The following KANK1 variants were observed in gnomAD, a reference collection of about 807,000 sequenced individuals.
KANK1 encodes KN motif and ankyrin repeat domains 1, also known as KN motif and ankyrin repeat domain-containing protein 1.
In KANK1, 109 loss-of-function variants were observed where a neutral mutation model predicts 106.2. The observed-to-expected ratio is 1.03, with a 90% confidence interval of 0.88 to 1.20. The LOEUF (loss-of-function observed/expected upper bound fraction) is 1.20. KANK1 is among the 50% of genes most tolerant of loss of function. The pLI, the probability that KANK1 is intolerant of heterozygous loss-of-function variation, is 0.00. For synonymous variants in KANK1, 873 were observed against 652.2 expected (o/e 1.34, Z -5.16); for missense variants, 2,399 against 1,710.7 (o/e 1.40, Z -7.10).
At chr9:504,047 C>A (rs12002676), upstream of KANK1, among the ~76,000 whole-genome samples, 909 of 152,262 alleles carry the variant, frequency 6.0e-3, 10 homozygotes, top group African/African-American at 0.02. Flanking sequence ...GCCGCCGGGG[C>A]GACCGTGCTG....
At chr9:633,030 G>T (rs1836145006) in intron 1 of KANK1, among the ~76,000 whole-genome samples, 1 of 152,076 alleles carries the variant, frequency 6.6e-6, no homozygotes, top group African/African-American at 2.4e-5. Context: ...AACGGCAGAG[G>T]TAACATGGCC....
At chr9:745,044 C>G in intron 11 of KANK1, 129 bp from the exon 12 acceptor site, 1 of 1,519,598 alleles carries the variant, frequency 6.6e-7, no homozygotes, top group Non-Finnish European at 8.8e-7. Context: ...CTGTTCTCAG[C>G]CAGAGCTCTC....
At chr9:688,908 C>A (rs527880806) in intron 2 of KANK1, among the ~76,000 whole-genome samples, 1 of 152,186 alleles carries the variant, frequency 6.6e-6, no homozygotes. Context: ...GGGGGTATGG[C>A]TGGCTGGCCT....
chr9:597,224 TTTAGGTTCATAC>T (rs1249696496), intron 1 of KANK1, among the ~76,000 whole-genome samples: 2 of 151,808 alleles, frequency 1.3e-5, no homozygotes, highest in African/African-American at 4.9e-5. Flanking sequence ...TTTCAGTTCT[TTTAGGTTCATAC>T]TTAGAGGTGT....
chr9:734,721 A>C, intron 6 of KANK1, 27 bp from the exon 7 acceptor site: 12 of 1,493,372 alleles, frequency 8.0e-6, no homozygotes, highest in Non-Finnish European at 1.1e-5. Context: ...CTTGTGACCA[A>C]TCGTAACTTG....
In KANK1 at chr9:610,980, T is replaced by A. The variant is rs141397484; in HGVS notation, c.-83-65910T>A. On this transcript the variant is annotated intron_variant, in intron 1 of 11. Coordinates refer to ENST00000382297, the MANE Select transcript of KANK1 (RefSeq NM_015158.5). ...CTCCTGTTTGGTGGTTTTATTTGAT[T>A]GTTTTTGAATTCTTTGTCTCTGACA... 3.9e-4 allele frequency among the ~76,000 whole-genome samples: 59 copies of A among 152,318 alleles called. No individual in the cohort carries two copies. The East Asian group carries it at 9.8e-3, about 25-fold the overall frequency.
At chr9:512,808 C>G (rs769253510) in intron 1 of KANK1, among the ~76,000 whole-genome samples, 3 of 152,134 alleles carry the variant, frequency 2.0e-5, no homozygotes, top group Non-Finnish European at 4.4e-5. Flanking sequence ...TAACTTCCTG[C>G]TAAGGAAGAA....
intron 1 of KANK1, among the ~76,000 whole-genome samples, chr9:644,677 A>G (rs560502379): frequency 6.6e-5 from 10 of 150,866 alleles, no homozygotes; most frequent in African/African-American, 9.9e-5. Flanking sequence ...CCATGATCCA[A>G]TCACCTCCCA....
chr9:538,451 A>C (rs749524870), intron 1 of KANK1, among the ~76,000 whole-genome samples: 4 of 152,190 alleles, frequency 2.6e-5, no homozygotes, highest in Admixed American at 1.3e-4. Flanking sequence ...AGTAAAGATT[A>C]CTCCATGATT....
chr9:511,103 C>T (rs1424830249), intron 1 of KANK1, among the ~76,000 whole-genome samples: 1 of 152,096 alleles, frequency 6.6e-6, no homozygotes, highest in Non-Finnish European at 1.5e-5. Flanking sequence ...ACAAAAGGTT[C>T]ACTCTGGAAA....
intron 1 of KANK1, among the ~76,000 whole-genome samples, chr9:631,572 C>G (rs1367444937): frequency 6.6e-6 from 1 of 152,144 alleles, no homozygotes; most frequent in Non-Finnish European, 1.5e-5. Context: ...CTAGGCAAGG[C>G]AAGTCGTTTT....
intron 1 of KANK1, among the ~76,000 whole-genome samples, chr9:625,146 G>C (rs559438381): frequency 6.6e-6 from 1 of 152,182 alleles, no homozygotes; most frequent in Non-Finnish European, 1.5e-5. Context: ...TTATTTGGCA[G>C]CGAATTCCTG....
intron 1 of KANK1, among the ~76,000 whole-genome samples, chr9:607,955 G>A (rs1443933471): frequency 6.7e-6 from 1 of 150,192 alleles, no homozygotes. Context: ...GTGTGTGTAT[G>A]TGTATAATTT....
chr9:512,935 C>T (rs984903169), intron 1 of KANK1, among the ~76,000 whole-genome samples: 7 of 152,128 alleles, frequency 4.6e-5, no homozygotes, highest in African/African-American at 1.7e-4. Flanking sequence ...GGTTACCTTT[C>T]TGATTTAAAA....
intron 1 of KANK1, among the ~76,000 whole-genome samples, chr9:505,831 C>G (rs1363688973): frequency 6.6e-6 from 1 of 152,192 alleles, no homozygotes; most frequent in Admixed American, 6.5e-5. Flanking sequence ...CCTTTCCTCA[C>G]CGTCATTGCC....
chr9:591,273 G>A (rs72689657), intron 1 of KANK1, among the ~76,000 whole-genome samples: 1,538 of 151,722 alleles, frequency 0.01, 72 homozygotes, highest in African/African-American at 0.036. Flanking sequence ...TTAATTTTAG[G>A]TTGTCAAATC....
At chr9:562,990 GC>G in intron 1 of KANK1, among the ~76,000 whole-genome samples, 1 of 152,252 alleles carries the variant, frequency 6.6e-6, no homozygotes, top group African/African-American at 2.4e-5. Context: ...ATTCTTACAA[GC>G]AGGGAAGCAG....
chr9:724,789 G>A (rs574717335), intron 3 of KANK1, among the ~76,000 whole-genome samples: 32 of 151,852 alleles, frequency 2.1e-4, no homozygotes, highest in Admixed American at 3.9e-4. Context: ...GCGACAGAGC[G>A]AGACTCAATC....
intron 3 of KANK1, among the ~76,000 whole-genome samples, chr9:718,390 G>C (rs902281172): frequency 7.0e-6 from 1 of 143,364 alleles, no homozygotes; most frequent in Non-Finnish European, 1.5e-5. Flanking sequence ...ACAGCTTGCT[G>C]TAGCCTGAAC....
Sources: allele counts gnomAD v4.1 joint callset (sites outside exome capture counted in the v4.1 genomes callset), GRCh38; gene constraint gnomAD v4.1.1; transcripts MANE v1.5; gene names NCBI Gene and HGNC (gene_info 2026-07-23, HGNC 2026-07-21).